The following SUCLG2 variants were observed in gnomAD, a reference collection of about 807,000 sequenced individuals.
SUCLG2 encodes the protein succinate-CoA ligase GDP-forming subunit beta, also known as succinate--CoA ligase [GDP-forming] subunit beta, mitochondrial.
SUCLG2 carries 42 observed loss-of-function variants against 47.9 expected under a neutral mutation model. The observed-to-expected ratio is 0.88, with a 90% CI of 0.69 to 1.14. The LOEUF (loss-of-function observed/expected upper bound fraction) is 1.14, where lower values mean the gene tolerates loss of function less well. SUCLG2 is among the 50% of genes most tolerant of loss of function. SUCLG2 has a pLI of 0.00. For synonymous variants in SUCLG2, 195 were observed against 197.3 expected, an observed-to-expected ratio of 0.99 and a Z score of 0.10; for missense variants, 571 against 525.9, an observed-to-expected ratio of 1.09 and a Z score of -0.84.
intron 9 of SUCLG2, among the ~76,000 whole-genome samples, chr3:67,454,530 TAG>T (rs1483344432): frequency 6.6e-6 from 1 of 152,152 alleles, no homozygotes; most frequent in Non-Finnish European, 1.5e-5. Flanking sequence ...TCTATCTCTA[TAG>T]AGATATATGT....
intron 5 of SUCLG2, 141 bp from the exon 6 acceptor site, chr3:67,518,477 C>T (rs1243031742): frequency 8.6e-6 from 6 of 698,462 alleles, no homozygotes; most frequent in East Asian, 8.5e-5. Flanking sequence ...GCAGGGCTAC[C>T]GCAGATGCCT....
chr3:67,387,234 G>C (rs140504080), intron 10 of SUCLG2, among the ~76,000 whole-genome samples: 424 of 152,242 alleles, frequency 2.8e-3, no homozygotes, highest in African/African-American at 9.6e-3. Context: ...AGGAAAATAA[G>C]TGACAAAGCT....
intron 2 of SUCLG2, among the ~76,000 whole-genome samples, chr3:67,574,150 T>C (rs771582626): frequency 3.3e-4 from 50 of 152,132 alleles, no homozygotes; most frequent in Non-Finnish European, 6.0e-4. Flanking sequence ...TCCTTTCATC[T>C]CTCATCTCTG....
chr3:67,411,447 T>G (rs1702930425), intron 9 of SUCLG2, among the ~76,000 whole-genome samples: 1 of 152,092 alleles, frequency 6.6e-6, no homozygotes, highest in Non-Finnish European at 1.5e-5. Context: ...TCTGGAAAAA[T>G]AAGGGGTTGA....
chr3:67,448,118 A>G (rs1703970753), intron 9 of SUCLG2, among the ~76,000 whole-genome samples: 1 of 152,242 alleles, frequency 6.6e-6, no homozygotes, highest in Non-Finnish European at 1.5e-5. Context: ...CAGAAATACA[A>G]AAGTTCATAA....
At chr3:67,652,956 T>C (rs1028412452) in intron 1 of SUCLG2, among the ~76,000 whole-genome samples, 11 of 152,232 alleles carry the variant, frequency 7.2e-5, no homozygotes, top group African/African-American at 2.4e-4. Context: ...TCCACAAATA[T>C]GTAAATCACA....
intron 9 of SUCLG2, among the ~76,000 whole-genome samples, chr3:67,487,153 T>C (rs1470357141): frequency 1.3e-5 from 2 of 152,134 alleles, no homozygotes; most frequent in East Asian, 3.9e-4. Flanking sequence ...CTAATATTCA[T>C]CTTGCTTTAA....
chr3:67,485,495 T>C (rs1705026975), intron 9 of SUCLG2, among the ~76,000 whole-genome samples: 1 of 152,154 alleles, frequency 6.6e-6, no homozygotes, highest in Non-Finnish European at 1.5e-5. Context: ...TAAATAAATA[T>C]CTAAAATTAA....
intron 9 of SUCLG2, among the ~76,000 whole-genome samples, chr3:67,470,803 G>A (rs1575718397): frequency 6.6e-6 from 1 of 152,194 alleles, no homozygotes; most frequent in Admixed American, 6.5e-5. Flanking sequence ...CGCAGAAAAT[G>A]AGTTAAGATA....
chr3:67,586,309 G>A (rs1708018495), intron 2 of SUCLG2, among the ~76,000 whole-genome samples: 1 of 152,208 alleles, frequency 6.6e-6, no homozygotes, highest in Non-Finnish European at 1.5e-5. Context: ...AATAGTACCA[G>A]TTAACCTCAG....
chr3:67,598,352 A>C (rs1461830235), intron 2 of SUCLG2, among the ~76,000 whole-genome samples: 1 of 152,198 alleles, frequency 6.6e-6, no homozygotes, highest in Non-Finnish European at 1.5e-5. Context: ...AGTCATCCTT[A>C]ATCTTATTCA....
intron 1 of SUCLG2, among the ~76,000 whole-genome samples, chr3:67,626,913 CAAAAAAAAAAAAAA>C (rs35290770): frequency 1.1e-3 from 46 of 42,112 alleles, no homozygotes; most frequent in Middle Eastern, 0.019. Flanking sequence ...GACTCCGTCT[CAAAAAAAAAAAAAA>C]AAAAAAAAAG....
At chr3:67,398,863 C>A (rs547056804) in intron 10 of SUCLG2, among the ~76,000 whole-genome samples, 1 of 152,064 alleles carries the variant, frequency 6.6e-6, no homozygotes, top group East Asian at 1.9e-4. Context: ...GAGTTCATGT[C>A]CTTTGTAGGG....
rs1002415297 is a variant in SUCLG2 at position 67,393,525 on chromosome 3, G to A, written c.1183+7206C>T. On this transcript the variant is annotated intron_variant, in intron 10 of 10. Transcript: ENST00000307227. ...CGTAAACAAAGCAGCCAGGAAGCTCGAACTGGGTGGAACCCACCACAGCTC... is the reference window on the plus strand; with the variant it reads ...CGTAAACAAAGCAGCCAGGAAGCTCAAACTGGGTGGAACCCACCACAGCTC... Among the ~76,000 whole-genome samples the A allele has an allele frequency of 2.0e-4, 30 of 152,334 alleles. 1 individual carries two copies. In the East Asian group the frequency reaches 2.9e-3, roughly 15 times the overall value.
intron 5 of SUCLG2, 121 bp downstream of exon 5, chr3:67,520,361 C>G (rs558010326): frequency 7.0e-7 from 1 of 1,427,276 alleles, no homozygotes; most frequent in Admixed American, 1.8e-5. Context: ...GGCTCAGCAT[C>G]TTCTTACCTT....
At chr3:67,585,966 C>CAAAAAAAAAAAAAA (rs67546250) in intron 2 of SUCLG2, among the ~76,000 whole-genome samples, 1 of 59,952 alleles carries the variant, frequency 1.7e-5, no homozygotes, top group African/African-American at 5.9e-5. Flanking sequence ...GACTCCATTT[C>CAAAAAAAAAAAAAA]AAAAAAAAAA....
Position 67,514,084 on chromosome 3 carries a change from C to G in SUCLG2, c.660+4163G>C, listed in dbSNP as rs1575746927. On this transcript the variant is annotated intron_variant, in intron 6 of 10. Transcript: ENST00000307227. ...AGCACAGCTGAAACAGCAGTACTTGCTTCAGTACAACGACCCTAACTGCTG... is the reference window on the plus strand; with the variant it reads ...AGCACAGCTGAAACAGCAGTACTTGGTTCAGTACAACGACCCTAACTGCTG... The G allele has an allele frequency of 8.8e-6, 3 of 341,190 alleles. No individual in the cohort carries two copies. The East Asian group carries it at 2.7e-4, about 31-fold the overall frequency. 21.1% of individuals were successfully genotyped at this position (341,190 alleles called of 1,614,324 possible).
intron 10 of SUCLG2, among the ~76,000 whole-genome samples, chr3:67,365,757 G>T (rs1463650273): frequency 6.6e-6 from 1 of 152,152 alleles, no homozygotes; most frequent in Non-Finnish European, 1.5e-5. Context: ...ACATTTAAGA[G>T]AACTTAAGAA....
intron 7 of SUCLG2, among the ~76,000 whole-genome samples, chr3:67,502,178 T>A (rs1705510330): frequency 6.6e-6 from 1 of 152,218 alleles, no homozygotes; most frequent in Admixed American, 6.5e-5. Flanking sequence ...AATCATAGGA[T>A]ACCTAGCTAG....
Sources: gnomAD v4.1 joint callset for allele counts (sites outside exome capture counted in the v4.1 genomes callset) on GRCh38, gnomAD v4.1.1 for gene constraint, MANE v1.5 for transcripts, NCBI Gene and HGNC (gene_info 2026-07-23, HGNC 2026-07-21) for gene names.